PRUNE2: variants seen among roughly 807,000 people sequenced by gnomAD.
PRUNE2 encodes protein prune homolog 2.
PRUNE2 carries 164 observed loss-of-function variants against 252.0 expected under a neutral mutation model. The ratio of observed to expected loss-of-function variants is 0.65; its 90% CI spans 0.57 to 0.74. PRUNE2 has a LOEUF of 0.74. Ranked by LOEUF, PRUNE2 falls within the 30% of genes least tolerant of loss-of-function variation. PRUNE2 has a pLI of 0.00. For synonymous variants in PRUNE2, 1,292 were observed against 1,350.2 expected (o/e 0.96, Z 0.94); for missense variants, 3,495 against 3,711.0 (o/e 0.94, Z 1.51).
intron 1 of PRUNE2, among the ~76,000 whole-genome samples, chr9:76,883,501 G>T (rs1346283780): frequency 6.6e-6 from 1 of 152,194 alleles, no homozygotes; most frequent in Non-Finnish European, 1.5e-5. Flanking sequence ...TTAGCCTGGG[G>T]CTTGTTTTGA....
chr9:76,669,476 C>T lies in PRUNE2; in HGVS notation c.8277-13974G>A, dbSNP rs184932298. Among the ~76,000 whole-genome samples, 130 of 152,264 alleles carry T rather than the reference C, an allele frequency of 8.5e-4. 1 individual carries two copies. The highest frequency in any genetic ancestry group is 3.4e-3 in the Middle Eastern group (1 of 294). ...CTGGGATCACAGCTGCGGGCCACCA[C>T]ACCCAGCTAATTTTTGTATTTTTAG... On this transcript the variant is annotated intron_variant, in intron 9 of 18. Transcript: ENST00000376718.
intron 6 of PRUNE2, among the ~76,000 whole-genome samples, chr9:76,730,577 A>T (rs1328564529): frequency 2.0e-5 from 3 of 152,152 alleles, no homozygotes; most frequent in African/African-American, 7.2e-5. Flanking sequence ...CAGAAGCCAT[A>T]AAAAAAGGAG....
rs529749671 is a variant in PRUNE2 at position 76,884,445 on chromosome 9, G to A, written c.36+21483C>T. On this transcript the variant is annotated intron_variant, in intron 1 of 18. Coordinates refer to ENST00000376718, the MANE Select transcript of PRUNE2 (RefSeq NM_015225.3). The stretch of plus-strand genomic sequence containing the variant: ...CAAATATGGATTGTATACTATCCTC[G>A]TATTTTAACAGATGAGAAAACTAAG... 3.0e-4 allele frequency among the ~76,000 whole-genome samples: 45 copies of A among 152,218 alleles called. 1 individual carries two copies. The highest frequency in any genetic ancestry group is 2.1e-3 in the Admixed American group (32 of 15,286).
chr9:76,800,076 G>C (rs143002290), intron 6 of PRUNE2, among the ~76,000 whole-genome samples: 96 of 152,104 alleles, frequency 6.3e-4, no homozygotes, highest in African/African-American at 1.7e-3. Flanking sequence ...TATACTTTAA[G>C]TTCTAGGGTA....
intron 6 of PRUNE2, among the ~76,000 whole-genome samples, chr9:76,810,830 A>T (rs1489079116): frequency 6.6e-6 from 1 of 152,244 alleles, no homozygotes; most frequent in African/African-American, 2.4e-5. Flanking sequence ...ACACAAATGT[A>T]GTCCACTGTT....
At chr9:76,731,954 C>T (rs989991330) in intron 6 of PRUNE2, among the ~76,000 whole-genome samples, 1 of 152,160 alleles carries the variant, frequency 6.6e-6, no homozygotes, top group Non-Finnish European at 1.5e-5. Context: ...CAGACACCCC[C>T]GCTGCTCCCA....
chr9:76,620,436 C>T (rs537221674), intron 17 of PRUNE2, among the ~76,000 whole-genome samples: 8 of 152,100 alleles, frequency 5.3e-5, no homozygotes, highest in Non-Finnish European at 1.0e-4. Flanking sequence ...CCACTGTGCC[C>T]GGCCTCCCAT....
intron 3 of PRUNE2, among the ~76,000 whole-genome samples, chr9:76,849,525 T>C (rs1488715450): frequency 2.0e-5 from 3 of 152,096 alleles, no homozygotes; most frequent in Non-Finnish European, 4.4e-5. Flanking sequence ...TTTGAAATGG[T>C]TCAAAAACTA....
intron 1 of PRUNE2, among the ~76,000 whole-genome samples, chr9:76,900,845 C>T (rs928335733): frequency 6.6e-6 from 1 of 152,150 alleles, no homozygotes; most frequent in Non-Finnish European, 1.5e-5. Flanking sequence ...AGGAATAATG[C>T]CTCCATCACC....
chr9:76,827,989 TATGCTAAC>T (rs2058443374), intron 4 of PRUNE2, among the ~76,000 whole-genome samples: 1 of 152,244 alleles, frequency 6.6e-6, no homozygotes, highest in South Asian at 2.1e-4. Flanking sequence ...GGCAGGGCTC[TATGCTAAC>T]GATTCAAGAT....
Position 76,706,416 on chromosome 9 carries a change from G to A in PRUNE2, c.5858C>T (p.Thr1953Ile), listed in dbSNP as rs766574088. The A allele has an allele frequency of 6.2e-7, 1 of 1,613,998 alleles. No homozygotes were observed. The highest frequency in any genetic ancestry group is 8.5e-7 in the Non-Finnish European group (1 of 1,179,888). The change falls in exon 8 of 19, where the codon ACA (threonine) becomes ATA (isoleucine). Residue 1953 changes from threonine (T) to isoleucine (I), a missense_variant. Thr to Ile is a moderately conservative substitution (Grantham distance 89). Transcript: ENST00000376718. ...SAAGDELTPE[T>I]PTQEQCQDTM... is the part of the protein sequence containing the mutation. ...GTCCTGACACTGCTCTTGGGTAGGT[G>A]TTTCAGGAGTCAGCTCATCACCAGC... is the stretch of plus-strand genomic sequence containing the variant.
chr9:76,711,021 T>A lies in PRUNE2; in HGVS notation c.1253A>T (p.Asp418Val). The change falls in exon 8 of 19, where the codon GAT (aspartate) becomes GTT (valine). Residue 418 changes from aspartate (D) to valine (V), a missense_variant. Transcript: ENST00000376718. ...DLNDSNQAQV[D>V]ANVDLVSPDS... Reference sequence around the variant, plus strand: ...TGGGCTAACAAGGTCTACATTGGCATCCACCTGAGCCTGGTTAGAATCATT... The same window carrying A: ...TGGGCTAACAAGGTCTACATTGGCAACCACCTGAGCCTGGTTAGAATCATT... The A allele has an allele frequency of 6.2e-7, 1 of 1,613,952 alleles. No homozygotes were observed. Among genetic ancestry groups the A allele is most frequent in the Non-Finnish European group, 8.5e-7 (1 of 1,179,846 alleles).
At chr9:76,657,724 T>A (rs1304284925) in intron 9 of PRUNE2, among the ~76,000 whole-genome samples, 1 of 152,252 alleles carries the variant, frequency 6.6e-6, no homozygotes, top group Non-Finnish European at 1.5e-5. Context: ...TTACATACCC[T>A]CCACTTAAAA....
At chr9:76,890,994 A>G (rs2062437459) in intron 1 of PRUNE2, among the ~76,000 whole-genome samples, 1 of 152,234 alleles carries the variant, frequency 6.6e-6, no homozygotes. Context: ...ATGCATCTTC[A>G]TCTTTGCGCA....
chr9:76,749,364 T>C lies in PRUNE2; in HGVS notation c.757-35643A>G, dbSNP rs1377350105. Among the ~76,000 whole-genome samples, 87 of 152,198 alleles carry C rather than the reference T, an allele frequency of 5.7e-4. 1 individual carries two copies. Among genetic ancestry groups the C allele is most frequent in the Non-Finnish European group, 1.3e-4 (9 of 68,036 alleles). ...CATTCCTTTCTTCTCACCCCCAAGTTTTCAGACAAAGCCCTGCTTCCTTAA... is the reference window on the plus strand; with the variant it reads ...CATTCCTTTCTTCTCACCCCCAAGTCTTCAGACAAAGCCCTGCTTCCTTAA... On this transcript the variant is annotated intron_variant, in intron 6 of 18. Transcript: ENST00000376718.
intron 6 of PRUNE2, among the ~76,000 whole-genome samples, chr9:76,731,324 A>ATATATTTTT (rs1332074252): frequency 1.9e-5 from 2 of 106,794 alleles, no homozygotes; most frequent in African/African-American, 6.9e-5. Flanking sequence ...ATATATATAT[A>ATATATTTTT]TTTTTTTTTT....
At chr9:76,819,581 T>A (rs1227138522) in intron 6 of PRUNE2, 1 of 152,226 alleles carries the variant, frequency 6.6e-6, no homozygotes, top group Non-Finnish European at 1.5e-5. Context: ...TTTGTGGTTC[T>A]TTGTTATGCC....
chr9:76,774,193 TG>T (rs1405804424), intron 6 of PRUNE2, among the ~76,000 whole-genome samples: 2 of 152,158 alleles, frequency 1.3e-5, no homozygotes, highest in Non-Finnish European at 2.9e-5. Flanking sequence ...TGGAGTGCAG[TG>T]GCACAATCAT....
chr9:76,871,486 G>A (rs1372445731), intron 1 of PRUNE2, among the ~76,000 whole-genome samples: 1 of 152,196 alleles, frequency 6.6e-6, no homozygotes, highest in East Asian at 1.9e-4. Context: ...GAACTATGTT[G>A]GCTAACAGCT....
Sources: gnomAD v4.1 joint callset for allele counts (sites outside exome capture counted in the v4.1 genomes callset) on GRCh38, gnomAD v4.1.1 for gene constraint, MANE v1.5 for transcripts, NCBI Gene and HGNC (gene_info 2026-07-23, HGNC 2026-07-21) for gene names.